Variants in LSS observed in about 807,000 individuals in gnomAD.
The protein encoded by LSS is 2,3-epoxysqualene-lanosterol cyclase.
In LSS, 90 loss-of-function variants were observed where a neutral mutation model predicts 110.3. The observed-to-expected ratio is 0.82, with a 90% CI of 0.69 to 0.97. The LOEUF (loss-of-function observed/expected upper bound fraction) is 0.97. LSS is among the 50% of genes least tolerant of loss of function. The pLI is 0.00. For synonymous variants in LSS, 433 were observed against 400.0 expected, an observed-to-expected ratio of 1.08 and a Z score of -0.98; for missense variants, 927 against 990.0, an observed-to-expected ratio of 0.94 and a Z score of 0.85.
At chr21:46,202,514 T>G (rs1220472822) in intron 17 of LSS, among the ~76,000 whole-genome samples, 1 of 151,808 alleles carries the variant, frequency 6.6e-6, no homozygotes, top group Non-Finnish European at 1.5e-5. Context: ...AACAAAGAAA[T>G]TGAGGGGAAA....
Position 46,216,303 on chromosome 21 carries a change from G to T in LSS, c.783+86C>A. 6.5e-7 allele frequency: 1 copy of T among 1,550,216 alleles called. No individual in the cohort carries two copies. The highest frequency in any genetic ancestry group is 8.9e-7 in the Non-Finnish European group (1 of 1,128,360). ...GCTCCACAGGGCCACCAGGTGAGTG[G>T]ACAGGTGTGGTTAGATTCCAGAAGC... On this transcript the variant is annotated intron_variant, in intron 7 of 21. Coordinates refer to ENST00000397728, the MANE Select transcript of LSS (RefSeq NM_002340.6). This position sits in a 1 kb window ranked among gnomAD's most constrained non-coding sequence, Gnocchi z 4.2.
Position 46,215,314 on chromosome 21 carries a change from G to A in LSS, c.893-16C>T, listed in dbSNP as rs200802788. The A allele has an allele frequency of 5.2e-6, 8 of 1,538,780 alleles. No individual in the cohort carries two copies. The East Asian group carries it at 1.4e-4, about 26-fold the overall frequency. On this transcript the variant is annotated splice_polypyrimidine_tract_variant and intron_variant, in intron 8 of 21. Transcript: ENST00000397728. ...TTGAGGAGCGCTACAGGGGACAGGG[G>A]TCAGTGGATGCCAGACACCATGACA...
chr21:46,195,800 C>G lies in LSS; in HGVS notation c.1737-44G>C, dbSNP rs746142913. 1.2e-5 allele frequency: 19 copies of G among 1,521,544 alleles called. 2 individuals carry two copies. The South Asian group carries it at 2.1e-4, about 17-fold the overall frequency. 94.3% of individuals were successfully genotyped at this position (1,521,544 alleles called of 1,614,324 possible). ...AGCCTCAGCCCTTCCACCCTGTTCA[C>G]AGCCGGTGTGTGAAACAACACGCAT... On this transcript the variant is annotated intron_variant, in intron 18 of 21. Coordinates refer to ENST00000397728, the MANE Select transcript of LSS (RefSeq NM_002340.6).
At position 46,190,878 on chromosome 21, in the gene LSS, G is replaced by A. The variant is rs1219403781; in HGVS notation, c.*226C>T. On this transcript the variant is annotated 3_prime_UTR_variant, in exon 22 of 22. Transcript: ENST00000397728. This position sits in a 1 kb window ranked among gnomAD's most constrained non-coding sequence, Gnocchi z 4.6. Reference sequence around the variant, plus strand: ...CTCCTGTGCCCCCTTCCTCACCCAAGCCCGACAAGCTACTTTCAGAAATGA... The same window carrying A: ...CTCCTGTGCCCCCTTCCTCACCCAAACCCGACAAGCTACTTTCAGAAATGA... The A allele has an allele frequency of 5.5e-6, 3 of 548,596 alleles. No homozygotes were observed. The highest frequency in any genetic ancestry group is 9.4e-6 in the Non-Finnish European group (3 of 317,736). The allele number at this position is 548,596 out of a possible 1,614,324, so 34.0% of individuals were successfully genotyped here. A position where few individuals can be genotyped will look rare whatever the true frequency, so the allele number is the denominator to read the frequency against.
At chr21:46,198,829 CAAAAAAAAAAAA>C (rs35148484) in intron 17 of LSS, among the ~76,000 whole-genome samples, 1 of 73,470 alleles carries the variant, frequency 1.4e-5, no homozygotes, top group Non-Finnish European at 2.4e-5. Context: ...CATCCACATG[CAAAAAAAAAAAA>C]AAAAAAAAAA....
chr21:46,197,830 G>A (rs777645637), intron 17 of LSS, among the ~76,000 whole-genome samples: 37 of 151,868 alleles, frequency 2.4e-4, no homozygotes, highest in Admixed American at 1.6e-3. Flanking sequence ...CAGAGCTTGC[G>A]GTGAGCTGAG....
In LSS at chr21:46,209,477, G is replaced by A; in HGVS notation, c.1266+77C>T. On this transcript the variant is annotated intron_variant, in intron 13 of 21. Coordinates refer to ENST00000397728, the MANE Select transcript of LSS (RefSeq NM_002340.6). This position sits in a 1 kb window ranked among gnomAD's most constrained non-coding sequence, Gnocchi z 4.4. ...AAATAGGGCAGGGTGGAGGTGAGGTGGGCACTTCTGCCTGCAGGAGCTCCC... is the reference window on the plus strand; with the variant it reads ...AAATAGGGCAGGGTGGAGGTGAGGTAGGCACTTCTGCCTGCAGGAGCTCCC... 1 of 1,324,506 alleles carries A rather than the reference G, an allele frequency of 7.5e-7. No homozygotes were observed. Among genetic ancestry groups the A allele is most frequent in the Non-Finnish European group, 1.0e-6 (1 of 956,198 alleles). 82.0% of individuals were successfully genotyped at this position (1,324,506 alleles called of 1,614,324 possible). A position where few individuals can be genotyped will look rare whatever the true frequency, so the allele number is the denominator to read the frequency against.
rs376147283 is a variant in LSS at position 46,227,655 on chromosome 21, G to A, written c.216C>T (p.Thr72=). ...NYFKDLPKAH[T]AFEGALNGMT... ...TCCCGTTCAGAGCCCCCTCAAAGGC[G>A]GTGTGGGCTTTGGGCAAGTCCTTAA... The change falls in exon 3 of 22, where the codon ACC becomes ACT. Residue 72 remains threonine (T), a synonymous_variant. Coordinates refer to ENST00000397728, the MANE Select transcript of LSS (RefSeq NM_002340.6). The A allele has an allele frequency of 1.1e-5, 18 of 1,613,744 alleles. No homozygotes were observed. The African/African-American group carries it at 1.2e-4, about 11-fold the overall frequency.
rs71318051 is a variant in LSS at position 46,210,063 on chromosome 21, C to CTT, written c.1195-440_1195-439dup. 6.4e-3 allele frequency among the ~76,000 whole-genome samples: 684 copies of CTT among 107,540 alleles called. 12 individuals carry two copies. Among genetic ancestry groups the CTT allele is most frequent in the African/African-American group, 7.8e-3 (211 of 27,042 alleles). 70.6% of individuals were successfully genotyped at this position (107,540 alleles called of 152,430 possible). On this transcript the variant is annotated intron_variant, in intron 12 of 21. Coordinates refer to ENST00000397728, the MANE Select transcript of LSS (RefSeq NM_002340.6). ...ATGCCCATAACAAACAGTTCCAGTTCTTTTTTTTTTTTTTTTTTTTTGAGA... is the reference window on the plus strand; with the variant it reads ...ATGCCCATAACAAACAGTTCCAGTTCTTTTTTTTTTTTTTTTTTTTTTTGAGA...
intron 6 of LSS, among the ~76,000 whole-genome samples, chr21:46,217,049 C>T (rs763534597): frequency 2.0e-5 from 3 of 151,994 alleles, no homozygotes; most frequent in Non-Finnish European, 2.9e-5. Context: ...GAGTTTGAGA[C>T]CAGCCTGACC....
Position 46,228,615 on chromosome 21 carries a change from C to T in LSS, c.15-16G>A. ...CCGCAGACACCTGAGGACCACCGGC[C>T]ATCAGCGACCCAGGCCCCGCCCCAA... On this transcript the variant is annotated splice_polypyrimidine_tract_variant and intron_variant, in intron 1 of 21. Coordinates refer to ENST00000397728, the MANE Select transcript of LSS (RefSeq NM_002340.6). The T allele has an allele frequency of 1.9e-6, 3 of 1,591,986 alleles. No individual in the cohort carries two copies. The highest frequency in any genetic ancestry group is 2.6e-6 in the Non-Finnish European group (3 of 1,175,876).
chr21:46,220,985 G>A (rs2080271415), intron 5 of LSS, among the ~76,000 whole-genome samples: 1 of 150,336 alleles, frequency 6.7e-6, no homozygotes, highest in African/African-American at 2.4e-5. Flanking sequence ...GACAGCCTGG[G>A]GCTTGGAGAG....
In LSS at chr21:46,215,710, G is replaced by C; in HGVS notation, c.867C>G (p.His289Gln). 1 of 1,612,292 alleles carries C rather than the reference G, an allele frequency of 6.2e-7. No homozygotes were observed. Among genetic ancestry groups the C allele is most frequent in the Non-Finnish European group, 8.5e-7 (1 of 1,179,168 alleles). The change falls in exon 8 of 22, where the codon CAC becomes CAG. Residue 289 changes from histidine to glutamine, a missense_variant. His to Gln is a conservative substitution (Grantham distance 24, BLOSUM62 0). Coordinates refer to ENST00000397728, the MANE Select transcript of LSS (RefSeq NM_002340.6). ...NVAPDELYTP[H>Q]SWLLRVVYAL... The stretch of plus-strand genomic sequence containing the variant: ...CATATACCACGCGGAGCAGCCAGCT[G>C]TGCGGCGTGTACAGCTCGTCGGGGG...
intron 17 of LSS, among the ~76,000 whole-genome samples, chr21:46,205,366 G>A (rs959120801): frequency 1.4e-4 from 22 of 152,218 alleles, no homozygotes; most frequent in Non-Finnish European, 1.5e-5. Context: ...GATCCAAAGC[G>A]AGCAACAGAC....
chr21:46,198,843 A>AT (rs2079943917), intron 17 of LSS, among the ~76,000 whole-genome samples: 1 of 151,808 alleles, frequency 6.6e-6, no homozygotes, highest in Admixed American at 6.6e-5. Flanking sequence ...AAAAAAAAAA[A>AT]AAAAAAAAAT....
chr21:46,213,189 C>CA, intron 10 of LSS, 137 bp from the exon 11 acceptor site: 2 of 788,428 alleles, frequency 2.5e-6, no homozygotes, highest in Non-Finnish European at 4.3e-6. Context: ...TGGATGCCAC[C>CA]CCAGCTGGGC....
At chr21:46,198,829 CAAAAAAAAAA>C (rs35148484) in intron 17 of LSS, among the ~76,000 whole-genome samples, 1 of 73,470 alleles carries the variant, frequency 1.4e-5, no homozygotes, top group East Asian at 4.0e-4. Context: ...CATCCACATG[CAAAAAAAAAA>C]AAAAAAAAAA....
At chr21:46,195,805 G>T in intron 18 of LSS, 49 bp from the exon 19 acceptor site, 1 of 1,487,984 alleles carries the variant, frequency 6.7e-7, no homozygotes, top group Non-Finnish European at 9.4e-7. Context: ...GTTCACAGCC[G>T]GTGTGTGAAA....
Position 46,221,851 on chromosome 21 carries a change from T to C in LSS, c.550+3A>G, listed in dbSNP as rs765862715. The stretch of plus-strand genomic sequence containing the variant: ...GGCCCAGCACATGCTGCACATGCCG[T>C]ACCTTTCTTGTGAAGAATGTTCCGG... On this transcript the variant is annotated splice_donor_region_variant and intron_variant, in intron 5 of 21. Coordinates refer to ENST00000397728, the MANE Select transcript of LSS (RefSeq NM_002340.6). 1 of 1,614,068 alleles carries C rather than the reference T, an allele frequency of 6.2e-7. No homozygotes were observed. Among genetic ancestry groups the C allele is most frequent in the Non-Finnish European group, 8.5e-7 (1 of 1,180,004 alleles).
Sources: allele counts gnomAD v4.1 joint callset (sites outside exome capture counted in the v4.1 genomes callset), GRCh38; gene constraint gnomAD v4.1.1; non-coding constraint Gnocchi (gnomAD v3.1); transcripts MANE v1.5; gene names NCBI Gene and HGNC (gene_info 2026-07-23, HGNC 2026-07-21).